XRN1: variants seen among roughly 807,000 people sequenced by gnomAD.
The protein encoded by XRN1 is strand-exchange protein 1 homolog.
In XRN1, 67 loss-of-function variants were observed where a neutral mutation model predicts 222.3. The observed-to-expected ratio is 0.30, with a 90% CI of 0.25 to 0.37. The LOEUF is 0.37. XRN1 is among the 10% of genes least tolerant of loss of function. The pLI is 1.00. For synonymous variants in XRN1, 643 were observed against 652.4 expected (o/e 0.99, Z 0.22); for missense variants, 1,707 against 2,000.2 (o/e 0.85, Z 2.80).
intron 20 of XRN1, among the ~76,000 whole-genome samples, chr3:142,391,386 T>A (rs994445176): frequency 2.6e-5 from 4 of 152,222 alleles, no homozygotes; most frequent in Non-Finnish European, 4.4e-5. Flanking sequence ...ATTTACTTTT[T>A]CTTTTACTAT....
rs1280550202 is a variant in XRN1, at chr3:142,422,488, C to T, written c.967+94G>A. 6.3e-5 allele frequency: 81 copies of T among 1,281,076 alleles called. No individual in the cohort carries two copies. In the South Asian group the frequency reaches 9.4e-4, roughly 15 times the overall value. The allele number at this position is 1,281,076 out of a possible 1,614,324, so 79.4% of individuals were successfully genotyped here. ...AATCCTCAATGTTTTTCTGCTTTAGCGTGCATGCAATAATCTACTAAACTA... is the reference window on the plus strand; with the variant it reads ...AATCCTCAATGTTTTTCTGCTTTAGTGTGCATGCAATAATCTACTAAACTA... On this transcript the variant is annotated intron_variant, in intron 8 of 40. Coordinates refer to ENST00000392981, the MANE Select transcript of XRN1 (RefSeq NM_001282857.2).
intron 20 of XRN1, among the ~76,000 whole-genome samples, chr3:142,389,463 T>C (rs2067634927): frequency 6.6e-6 from 1 of 152,300 alleles, no homozygotes; most frequent in East Asian, 1.9e-4. Context: ...TCATGAATGT[T>C]CTTAATGGCA....
intron 15 of XRN1, among the ~76,000 whole-genome samples, chr3:142,406,436 C>G (rs2068343281): frequency 6.6e-6 from 1 of 152,320 alleles, no homozygotes; most frequent in Non-Finnish European, 1.5e-5. Context: ...CTTGACACTG[C>G]TCTTGGCAAT....
chr3:142,354,173 CAT>C (rs2066394625), intron 32 of XRN1, among the ~76,000 whole-genome samples: 1 of 151,750 alleles, frequency 6.6e-6, no homozygotes, highest in African/African-American at 2.4e-5. Flanking sequence ...GGACAAGAAA[CAT>C]ATGAAAAAAA....
At chr3:142,338,900 G>C (rs1030006648) in intron 33 of XRN1, among the ~76,000 whole-genome samples, 1 of 152,186 alleles carries the variant, frequency 6.6e-6, no homozygotes, top group Non-Finnish European at 1.5e-5. Flanking sequence ...AAGGGTAGTG[G>C]CTCAAGGTTT....
Position 142,329,117 on chromosome 3 carries a change from T to C in XRN1, c.4404+317A>G, listed in dbSNP as rs930796078. 1.1e-4 allele frequency among the ~76,000 whole-genome samples: 17 copies of C among 152,088 alleles called. No individual in the cohort carries two copies. The East Asian group carries it at 3.1e-3, about 28-fold the overall frequency. Reference sequence around the variant, plus strand: ...ATGGATATAAGTAAACAAAATCTCTTTGGGGTCCTCCAAAAAAAGTGTGAA... The same window carrying C: ...ATGGATATAAGTAAACAAAATCTCTCTGGGGTCCTCCAAAAAAAGTGTGAA... On this transcript the variant is annotated intron_variant, in intron 37 of 40. Transcript: ENST00000392981.
intron 30 of XRN1, among the ~76,000 whole-genome samples, chr3:142,357,742 A>C (rs182585435): frequency 6.6e-6 from 1 of 152,112 alleles, no homozygotes; most frequent in Non-Finnish European, 1.5e-5. Context: ...ACGTCTTAAA[A>C]ACTGTGGAGC....
At chr3:142,441,966 C>G (rs925224976) in intron 1 of XRN1, among the ~76,000 whole-genome samples, 1 of 152,126 alleles carries the variant, frequency 6.6e-6, no homozygotes, top group Non-Finnish European at 1.5e-5. Context: ...TACAAAAAGT[C>G]CTTCATAGAA....
At chr3:142,401,972 C>G (rs1010878229) in intron 18 of XRN1, among the ~76,000 whole-genome samples, 1 of 152,088 alleles carries the variant, frequency 6.6e-6, no homozygotes, top group African/African-American at 2.4e-5. Context: ...ACTTTGGAAT[C>G]ACTCTTCCTA....
chr3:142,431,887 T>TATAAA (rs1559879517), intron 2 of XRN1, among the ~76,000 whole-genome samples: 2 of 34,626 alleles, frequency 5.8e-5, no homozygotes, highest in Non-Finnish European at 1.0e-4. Context: ...ATATATATTA[T>TATAAA]ATATAATATA....
At chr3:142,379,246 G>A (rs1254933809) in intron 23 of XRN1, among the ~76,000 whole-genome samples, 3 of 152,180 alleles carry the variant, frequency 2.0e-5, no homozygotes, top group Admixed American at 1.3e-4. Context: ...ACTCCAGCCT[G>A]GATGACAGAG....
intron 1 of XRN1, among the ~76,000 whole-genome samples, chr3:142,440,411 G>T (rs1355485427): frequency 2.0e-5 from 3 of 151,916 alleles, no homozygotes; most frequent in East Asian, 3.9e-4. Context: ...CCCTGCTTGA[G>T]GAAGGAATTA....
Position 142,359,914 on chromosome 3 carries a change from C to T in XRN1, c.3412G>A (p.Val1138Ile). 6.2e-7 allele frequency: 1 copy of T among 1,604,174 alleles called. No individual in the cohort carries two copies. The highest frequency in any genetic ancestry group is 1.7e-5 in the Admixed American group (1 of 58,790). Residue 1138 changes from valine (V) to isoleucine (I), a missense_variant, in exon 30 of 41, where the codon GTA (valine) becomes ATA (isoleucine). Physicochemically the swap from Val to Ile is conservative, Grantham distance 29. Around this residue, in one of 2 missense-constraint regions of XRN1, gnomAD observed 1,234 missense variants for 1,518.2 expected, o/e 0.81. Transcript: ENST00000392981. ...GIKGANREADVLFEVLFDEEF... is the reference protein window; with the variant it reads ...GIKGANREADILFEVLFDEEF... ...TCATCAAATAATACTTCAAATAGTA[C>T]ATCGGCTTCTCTATTAGCTGTTACA...
At chr3:142,352,935 C>T (rs556909913) in intron 32 of XRN1, among the ~76,000 whole-genome samples, 7 of 152,300 alleles carry the variant, frequency 4.6e-5, no homozygotes, top group Admixed American at 2.0e-4. Flanking sequence ...TGAGCCACCA[C>T]GCCTCGCCAA....
At chr3:142,336,291 C>T (rs759849929) in intron 33 of XRN1, among the ~76,000 whole-genome samples, 1 of 151,974 alleles carries the variant, frequency 6.6e-6, no homozygotes, top group Non-Finnish European at 1.5e-5. Context: ...GTAATTATTG[C>T]ATAATATTCT....
Position 142,403,974 on chromosome 3 carries a change from G to A in XRN1, c.1899C>T (p.Ser633=). 1 of 1,580,364 alleles carries A rather than the reference G, an allele frequency of 6.3e-7. No homozygotes were observed. The highest frequency in any genetic ancestry group is 8.7e-7 in the Non-Finnish European group (1 of 1,151,180). Residue 633 remains serine, a synonymous_variant, in exon 17 of 41, where the codon TCC becomes TCT. Transcript: ENST00000392981. ...TTATGTCTACACGCCAAGCATCTAA[G>A]GATATTATTTTATACCTAGAAAATA... ...ERCCTRYKII[S]LDAWRVDINK...
At chr3:142,429,233 C>T (rs546428837) in intron 2 of XRN1, among the ~76,000 whole-genome samples, 105 of 149,070 alleles carry the variant, frequency 7.0e-4, no homozygotes, top group Non-Finnish European at 1.3e-3. Flanking sequence ...CTGCATCCTC[C>T]GCCTCCTGGG....
chr3:142,336,360 C>T (rs2065851131), intron 33 of XRN1, among the ~76,000 whole-genome samples: 2 of 151,120 alleles, frequency 1.3e-5, no homozygotes, highest in African/African-American at 4.9e-5. Context: ...TTATTTTTAC[C>T]ACTTTCTATC....
At chr3:142,366,983 G>C (rs945114127) in intron 27 of XRN1, among the ~76,000 whole-genome samples, 18 of 152,118 alleles carry the variant, frequency 1.2e-4, no homozygotes, top group Non-Finnish European at 2.4e-4. Context: ...TCACCTAAGA[G>C]CTTATTAGAA....
Sources: allele counts gnomAD v4.1 joint callset (sites outside exome capture counted in the v4.1 genomes callset), GRCh38; gene constraint gnomAD v4.1.1; regional missense constraint gnomAD v4.1.1; transcripts MANE v1.5; gene names NCBI Gene and HGNC (gene_info 2026-07-23, HGNC 2026-07-21).